FUT8: variants seen among roughly 807,000 people sequenced by gnomAD.
FUT8 encodes alpha-(1,6)-fucosyltransferase.
A neutral mutation model predicts 71.3 loss-of-function variants in FUT8; 29 were observed. The ratio of observed to expected loss-of-function variants is 0.41; its 90% CI spans 0.30 to 0.55. The LOEUF (loss-of-function observed/expected upper bound fraction) is 0.55, where lower values mean the gene tolerates loss of function less well. Among genes scored for constraint, FUT8 ranks in the 20% least tolerant of loss-of-function variants. FUT8 has a pLI of 0.34. For missense variants in FUT8, 544 were observed against 702.1 expected, an observed-to-expected ratio of 0.77 and a Z score of 2.55; for synonymous variants, 254 against 239.3, an observed-to-expected ratio of 1.06 and a Z score of -0.57.
At chr14:65,650,384 G>A (rs1891330721) in intron 6 of FUT8, among the ~76,000 whole-genome samples, 1 of 150,744 alleles carries the variant, frequency 6.6e-6, no homozygotes, top group Non-Finnish European at 1.5e-5. Flanking sequence ...TGTTCTATAG[G>A]CTGTGCAGGA....
chr14:65,467,183 GTTT>G lies in FUT8; in HGVS notation c.-228+11468_-228+11470del, dbSNP rs1222909674. Among the ~76,000 whole-genome samples, 1 of 152,036 alleles carries G rather than the reference GTTT, an allele frequency of 6.6e-6. No individual in the cohort carries two copies. The highest frequency in any genetic ancestry group is 1.5e-5 in the Non-Finnish European group (1 of 68,024). ...TGTTTATTGGGTTTCATTTCTCCCA[GTTT>G]TTATTTCAGAAAGTCTTTATTTCTT... On this transcript the variant is annotated intron_variant, in intron 2 of 10. Coordinates refer to ENST00000673929, the MANE Select transcript of FUT8 (RefSeq NM_001371533.1). This position sits in a 1 kb window ranked among gnomAD's most constrained non-coding sequence, Gnocchi z 4.1.
At chr14:65,677,159 C>CGCGT (rs1892788381) in intron 7 of FUT8, among the ~76,000 whole-genome samples, 2 of 44,538 alleles carry the variant, frequency 4.5e-5, no homozygotes, top group Non-Finnish European at 9.7e-5. Flanking sequence ...TGTGCGCGCG[C>CGCGT]GCATGCGCGC....
intron 2 of FUT8, among the ~76,000 whole-genome samples, chr14:65,549,896 C>T (rs916809316): frequency 2.6e-5 from 4 of 152,040 alleles, no homozygotes; most frequent in African/African-American, 4.8e-5. Flanking sequence ...CCTGTCTCTA[C>T]TAAAAACACA....
chr14:65,549,418 T>TGG (rs1194726889), intron 2 of FUT8, among the ~76,000 whole-genome samples: 3 of 152,138 alleles, frequency 2.0e-5, no homozygotes, highest in Non-Finnish European at 4.4e-5. Context: ...CATGTATGGT[T>TGG]TACCCCCCAA....
At chr14:65,617,628 T>C (rs1889351904) in intron 5 of FUT8, among the ~76,000 whole-genome samples, 1 of 152,176 alleles carries the variant, frequency 6.6e-6, no homozygotes, top group Admixed American at 6.5e-5. Flanking sequence ...CACTGACTTC[T>C]GATGGAATGT....
chr14:65,368,342 CTTTTTT>C, the FUT8 span, among the ~76,000 whole-genome samples: 1 of 89,790 alleles, frequency 1.1e-5, no homozygotes, highest in Admixed American at 1.2e-4. Context: ...CGTGAGCCAC[CTTTTTT>C]TTTTTTTTTG....
intron 7 of FUT8, among the ~76,000 whole-genome samples, chr14:65,692,687 G>A (rs186501115): frequency 0.14 from 20,394 of 143,902 alleles, 1,871 homozygotes; most frequent in South Asian, 0.29. Context: ...GCTGCCAGGC[G>A]GAGGGGCTCC....
intron 1 of FUT8, among the ~76,000 whole-genome samples, chr14:65,436,824 A>G (rs2065569216): frequency 6.6e-6 from 1 of 152,138 alleles, no homozygotes; most frequent in Non-Finnish European, 1.5e-5. Flanking sequence ...TACAGTTATT[A>G]TCTAGGATTA....
intron 6 of FUT8, among the ~76,000 whole-genome samples, chr14:65,629,854 ACAC>A (rs1430415333): frequency 5.3e-5 from 8 of 151,508 alleles, no homozygotes; most frequent in African/African-American, 1.7e-4. Context: ...ACACACACAC[ACAC>A]AATACAATAC....
intron 6 of FUT8, among the ~76,000 whole-genome samples, chr14:65,666,219 C>T (rs1022474019): frequency 5.3e-5 from 8 of 152,178 alleles, no homozygotes; most frequent in African/African-American, 9.6e-5. Context: ...TATGTACATA[C>T]GGTTTTCTTT....
chr14:65,363,441 G>C, the FUT8 span, among the ~76,000 whole-genome samples: 3 of 152,098 alleles, frequency 2.0e-5, no homozygotes, highest in African/African-American at 7.2e-5. Flanking sequence ...ATTTTTAGTA[G>C]AGACAGGGTT....
At chr14:65,595,476 C>T (rs1887914767) in intron 3 of FUT8, among the ~76,000 whole-genome samples, 1 of 152,022 alleles carries the variant, frequency 6.6e-6, no homozygotes, top group Admixed American at 6.6e-5. Context: ...ATACCTCAGT[C>T]TGGATTAGAA....
At chr14:65,700,381 G>T (rs200639944) in intron 7 of FUT8, among the ~76,000 whole-genome samples, 254 of 48,564 alleles carry the variant, frequency 5.2e-3, no homozygotes, top group Admixed American at 7.1e-3. Context: ...CTTTCTTTCT[G>T]TTTTTTTTTT....
intron 7 of FUT8, among the ~76,000 whole-genome samples, chr14:65,677,155 C>CGCGCGCGCGT (rs1892784866): frequency 3.3e-5 from 1 of 30,054 alleles, no homozygotes; most frequent in Non-Finnish European, 8.0e-5. Context: ...TGTGTGTGCG[C>CGCGCGCGCGT]GCGCGCATGC....
chr14:65,624,414 G>A (rs1889786290), intron 5 of FUT8, among the ~76,000 whole-genome samples: 1 of 151,702 alleles, frequency 6.6e-6, no homozygotes, highest in Non-Finnish European at 1.5e-5. Context: ...TAAAAACATT[G>A]ACATAAACTA....
chr14:65,500,117 A>G (rs1327185464), intron 2 of FUT8, among the ~76,000 whole-genome samples: 2 of 152,204 alleles, frequency 1.3e-5, no homozygotes, highest in African/African-American at 4.8e-5. Flanking sequence ...GTTTTGGAAT[A>G]GGATGAGATG....
At chr14:65,437,125 G>A (rs2065573886) in intron 1 of FUT8, among the ~76,000 whole-genome samples, 1 of 152,140 alleles carries the variant, frequency 6.6e-6, no homozygotes, top group Non-Finnish European at 1.5e-5. Context: ...GATGTGACAA[G>A]AATTATAAAT....
rs527780544 is a variant in FUT8, at chr14:65,668,913, G to T, written c.598-330G>T. ...ATGGAGCTGGAGGCCATTACCCTAAGCAAACTAATGCAGGAACAGAAAACC... is the reference window on the plus strand; with the variant it reads ...ATGGAGCTGGAGGCCATTACCCTAATCAAACTAATGCAGGAACAGAAAACC... On this transcript the variant is annotated intron_variant, in intron 6 of 10. Transcript: ENST00000673929. Among the ~76,000 whole-genome samples the T allele has an allele frequency of 3.3e-5, 5 of 152,216 alleles. No individual in the cohort carries two copies. In the South Asian group the frequency reaches 1.0e-3, roughly 32 times the overall value.
chr14:65,501,338 C>G (rs1367746475), intron 2 of FUT8, among the ~76,000 whole-genome samples: 5 of 152,146 alleles, frequency 3.3e-5, no homozygotes, highest in Admixed American at 3.3e-4. Context: ...ACAATATTTG[C>G]AGGAATTAGC....
Sources: allele counts gnomAD v4.1 joint callset (sites outside exome capture counted in the v4.1 genomes callset), GRCh38; gene constraint gnomAD v4.1.1; non-coding constraint Gnocchi (gnomAD v3.1); transcripts MANE v1.5; gene names NCBI Gene and HGNC (gene_info 2026-07-23, HGNC 2026-07-21).